The following PAPSS1 variants were observed in gnomAD, a reference collection of about 807,000 sequenced individuals.
PAPSS1 encodes the protein bifunctional 3'-phosphoadenosine 5'-phosphosulfate synthase 1.
A neutral mutation model predicts 72.0 loss-of-function variants in PAPSS1; 50 were observed. The observed-to-expected ratio is 0.69, with a 90% confidence interval of 0.55 to 0.88. The LOEUF is 0.88. PAPSS1 is among the 40% of genes least tolerant of loss of function. The pLI is 0.00. For missense variants in PAPSS1, 657 were observed against 782.2 expected (o/e 0.84, Z 1.91); for synonymous variants, 261 against 263.6 (o/e 0.99, Z 0.09).
chr4:107,701,050 ATATGT>A (rs1364174206), intron 2 of PAPSS1, 116 bp downstream of exon 2: 1 of 497,906 alleles, frequency 2.0e-6, no homozygotes, highest in East Asian at 3.2e-5. Context: ...TATGTCAGTT[ATATGT>A]CGTGATGCTC....
At chr4:107,619,747 T>C (rs991685385) in intron 11 of PAPSS1, among the ~76,000 whole-genome samples, 8 of 152,206 alleles carry the variant, frequency 5.3e-5, no homozygotes, top group Admixed American at 3.3e-4. Context: ...CAATCTTCTA[T>C]GGCACTGGAA....
At chr4:107,629,711 C>T (rs1184425659) in intron 11 of PAPSS1, among the ~76,000 whole-genome samples, 3 of 152,158 alleles carry the variant, frequency 2.0e-5, no homozygotes, top group African/African-American at 7.2e-5. Flanking sequence ...CAAAAGTGAA[C>T]CAGTCAAGAG....
chr4:107,701,823 G>C (rs1390354445), intron 1 of PAPSS1, among the ~76,000 whole-genome samples: 3 of 152,146 alleles, frequency 2.0e-5, no homozygotes, highest in Non-Finnish European at 2.9e-5. Flanking sequence ...CCTCTTTAGA[G>C]AGGATAATCA....
intron 8 of PAPSS1, 148 bp downstream of exon 8, chr4:107,654,547 A>T: frequency 1.4e-6 from 1 of 706,976 alleles, no homozygotes. Context: ...CAAGAGCATA[A>T]ACACTCATCA....
At chr4:107,651,590 C>A (rs757571751) in intron 9 of PAPSS1, among the ~76,000 whole-genome samples, 7 of 152,096 alleles carry the variant, frequency 4.6e-5, no homozygotes, top group Non-Finnish European at 7.4e-5. Context: ...CACATGGTGG[C>A]AGGAGAGAGA....
intron 5 of PAPSS1, among the ~76,000 whole-genome samples, chr4:107,672,523 G>A (rs1290604659): frequency 6.6e-6 from 1 of 152,180 alleles, no homozygotes; most frequent in Non-Finnish European, 1.5e-5. Context: ...CTGGGGGAGG[G>A]GTGCCCACCA....
chr4:107,626,262 G>A (rs1182914288), intron 11 of PAPSS1, among the ~76,000 whole-genome samples: 1 of 151,870 alleles, frequency 6.6e-6, no homozygotes, highest in Non-Finnish European at 1.5e-5. Flanking sequence ...CAGATAACAG[G>A]CATTTATGTC....
intron 5 of PAPSS1, among the ~76,000 whole-genome samples, chr4:107,673,570 C>T (rs1018860596): frequency 2.0e-5 from 3 of 151,926 alleles, no homozygotes; most frequent in Admixed American, 6.6e-5. Flanking sequence ...TGTGAAAAGA[C>T]CAAATCTACT....
At chr4:107,673,925 G>A (rs944927883) in intron 5 of PAPSS1, among the ~76,000 whole-genome samples, 5 of 152,144 alleles carry the variant, frequency 3.3e-5, no homozygotes, top group African/African-American at 9.7e-5. Context: ...TTTCAACTCA[G>A]AATTTCATAT....
rs1191949596 is a variant in PAPSS1 at position 107,660,053 on chromosome 4, G to A, written c.689C>T (p.Ala230Val). ...ATATAGTTCTTTTACTTCATAAGATGCATCCACAGGTACAATATCCTATAT... is the reference window on the plus strand; with the variant it reads ...ATATAGTTCTTTTACTTCATAAGATACATCCACAGGTACAATATCCTATAT... ...LQERDIVPVD[A>V]SYEVKELYVP... Residue 230 changes from alanine (A) to valine (V), a missense_variant, in exon 6 of 12, where the codon GCA (alanine) becomes GTA (valine). Physicochemically the swap from Ala to Val is moderately conservative, Grantham distance 64. This residue lies in a region of PAPSS1 where 190 missense variants were observed against 176.7 expected (regional missense o/e 1.07). Coordinates refer to ENST00000265174, the MANE Select transcript of PAPSS1 (RefSeq NM_005443.5). 3 of 1,570,376 alleles carry A rather than the reference G, an allele frequency of 1.9e-6. No individual in the cohort carries two copies. The highest frequency in any genetic ancestry group is 3.4e-5 in the Admixed American group (2 of 58,074).
intron 5 of PAPSS1, among the ~76,000 whole-genome samples, chr4:107,675,022 A>G (rs1030166402): frequency 3.3e-5 from 5 of 152,166 alleles, no homozygotes; most frequent in African/African-American, 1.2e-4. Context: ...TCTCTGGGAC[A>G]CATTCAAAGC....
chr4:107,621,907 C>G (rs1168531100), intron 11 of PAPSS1, among the ~76,000 whole-genome samples: 8 of 151,988 alleles, frequency 5.3e-5, no homozygotes, highest in Admixed American at 4.6e-4. Flanking sequence ...GGATTATAGG[C>G]GTGAGCCACC....
intron 3 of PAPSS1, among the ~76,000 whole-genome samples, chr4:107,689,782 C>T (rs1722870859): frequency 6.6e-6 from 1 of 152,100 alleles, no homozygotes; most frequent in African/African-American, 2.4e-5. Context: ...CCTAGATGGC[C>T]CAGTGGTAAT....
At chr4:107,666,189 G>A (rs1242105235) in intron 5 of PAPSS1, among the ~76,000 whole-genome samples, 2 of 152,108 alleles carry the variant, frequency 1.3e-5, no homozygotes, top group Non-Finnish European at 2.9e-5. Flanking sequence ...TTCTTAAAAA[G>A]ACAAACCTTT....
chr4:107,705,748 C>T (rs777282818), intron 1 of PAPSS1, among the ~76,000 whole-genome samples: 3 of 152,156 alleles, frequency 2.0e-5, no homozygotes, highest in South Asian at 2.1e-4. Context: ...TGAACTTGAC[C>T]GTGGACTTAC....
At chr4:107,696,515 C>G (rs534662888) in intron 2 of PAPSS1, among the ~76,000 whole-genome samples, 1 of 152,112 alleles carries the variant, frequency 6.6e-6, no homozygotes, top group Non-Finnish European at 1.5e-5. Context: ...TAAGCGGGAG[C>G]TGAACACATG....
chr4:107,650,735 C>T (rs1726816852), intron 9 of PAPSS1, among the ~76,000 whole-genome samples: 1 of 151,982 alleles, frequency 6.6e-6, no homozygotes, highest in Non-Finnish European at 1.5e-5. Context: ...ATAAATGACT[C>T]CATGGTTGGA....
At chr4:107,686,096 A>G (rs1276492677) in intron 4 of PAPSS1, among the ~76,000 whole-genome samples, 1 of 152,230 alleles carries the variant, frequency 6.6e-6, no homozygotes, top group Non-Finnish European at 1.5e-5. Context: ...TAGTATGATT[A>G]ATATCAAAGG....
chr4:107,655,105 T>TA (rs61591737), intron 7 of PAPSS1, among the ~76,000 whole-genome samples: 3,064 of 117,682 alleles, frequency 0.026, 70 homozygotes, highest in African/African-American at 0.073. Flanking sequence ...TCTCCCAAGT[T>TA]AAAAAAAAAA....
Sources: gnomAD v4.1 joint callset for allele counts (sites outside exome capture counted in the v4.1 genomes callset) on GRCh38, gnomAD v4.1.1 for gene constraint, gnomAD v4.1.1 regional missense constraint, MANE v1.5 for transcripts, NCBI Gene and HGNC (gene_info 2026-07-23, HGNC 2026-07-21) for gene names.